H3-3A: variants seen among roughly 807,000 people sequenced by gnomAD.
The protein encoded by H3-3A is H3.3 histone A, also known as histone H3.3.
For synonymous variants in H3-3A, 49 were observed against 61.4 expected (o/e 0.80, Z 0.95); for missense variants, 7 against 184.0 (o/e 0.04, Z 5.57).
At chr1:226,067,602 C>T (rs965711870) in intron 3 of H3-3A, among the ~76,000 whole-genome samples, 1 of 151,856 alleles carries the variant, frequency 6.6e-6, no homozygotes, top group African/African-American at 2.4e-5. Context: ...ATTAGCTTGG[C>T]GTGGTGGCAG....
intron 1 of H3-3A, among the ~76,000 whole-genome samples, chr1:226,063,434 A>G (rs560050436): frequency 1.3e-5 from 2 of 152,034 alleles, no homozygotes; most frequent in East Asian, 1.9e-4. Flanking sequence ...AAACTTTTGC[A>G]TTTTGGAGGG....
chr1:226,063,313 T>C (rs1657800714), intron 1 of H3-3A, among the ~76,000 whole-genome samples: 1 of 152,210 alleles, frequency 6.6e-6, no homozygotes, highest in South Asian at 2.1e-4. Context: ...GACCATATTT[T>C]TTCCCCCGTT....
intron 1 of H3-3A, chr1:226,063,841 A>G (rs1657829045): frequency 6.8e-6 from 1 of 147,120 alleles, no homozygotes; most frequent in African/African-American, 2.5e-5. Context: ...AACTGTAAAG[A>G]TGCAAAACCA....
chr1:226,063,198 G>A (rs1017752573), intron 1 of H3-3A, among the ~76,000 whole-genome samples: 2 of 151,878 alleles, frequency 1.3e-5, no homozygotes, highest in African/African-American at 4.8e-5. Context: ...GAGCGGGAAA[G>A]GGGTGGAAAT....
chr1:226,063,490 T>C (rs971391539), intron 1 of H3-3A, among the ~76,000 whole-genome samples: 5 of 152,198 alleles, frequency 3.3e-5, no homozygotes, highest in South Asian at 2.1e-4. Flanking sequence ...ATTTGGTGTT[T>C]TGTCTCTTTG....
chr1:226,070,722 G>T (rs181541443), intron 3 of H3-3A, among the ~76,000 whole-genome samples: 368 of 152,246 alleles, frequency 2.4e-3, no homozygotes, highest in African/African-American at 8.4e-3. Context: ...GCAGTGAGCC[G>T]AGATCGCGCT....
upstream of H3-3A, among the ~76,000 whole-genome samples, chr1:226,062,480 T>C (rs1468056552): frequency 1.4e-5 from 2 of 146,488 alleles, no homozygotes; most frequent in African/African-American, 2.5e-5. Flanking sequence ...CCCCTCAGCG[T>C]GTCTTTTGTG....
intron 3 of H3-3A, 172 bp downstream of exon 3, chr1:226,065,981 A>T: frequency 3.2e-6 from 2 of 630,478 alleles, no homozygotes; most frequent in South Asian, 1.9e-5. Flanking sequence ...TCATACACGT[A>T]GAAAATGGCA....
In H3-3A at chr1:226,071,274, T is replaced by A. The variant is rs1658113656; in HGVS notation, c.283-77T>A. 5 of 1,202,332 alleles carry A rather than the reference T, an allele frequency of 4.2e-6. No individual in the cohort carries two copies. In the Admixed American group the frequency reaches 9.8e-5, roughly 23 times the overall value. 74.5% of individuals were successfully genotyped at this position (1,202,332 alleles called of 1,614,324 possible). Reference sequence around the variant, plus strand: ...TTTTTTAAAGGGTTCAAAAACCTTTTTGTTTTAATTCGTATAGTTGGGTCT... The same window carrying A: ...TTTTTTAAAGGGTTCAAAAACCTTTATGTTTTAATTCGTATAGTTGGGTCT... On this transcript the variant is annotated intron_variant, in intron 3 of 3. Transcript: ENST00000366815.
intron 3 of H3-3A, 101 bp downstream of exon 3, chr1:226,065,910 G>C (rs529736003): frequency 1.1e-6 from 1 of 894,226 alleles, no homozygotes. Context: ...TCACAAGCCT[G>C]TCAGGTAGTT....
upstream of H3-3A, among the ~76,000 whole-genome samples, chr1:226,062,335 C>T (rs1657735387): frequency 6.6e-6 from 1 of 150,990 alleles, no homozygotes; most frequent in South Asian, 2.1e-4. Flanking sequence ...CTTCCCCTCC[C>T]CCCACTTCCC....
intron 3 of H3-3A, among the ~76,000 whole-genome samples, chr1:226,067,499 G>A (rs1475594364): frequency 6.6e-6 from 1 of 152,174 alleles, no homozygotes; most frequent in Non-Finnish European, 1.5e-5. Flanking sequence ...AACACTTTGG[G>A]AGGCTGAGGT....
chr1:226,070,569 C>T (rs12096468), intron 3 of H3-3A, among the ~76,000 whole-genome samples: 47,591 of 151,898 alleles, frequency 0.31, 8,252 homozygotes, highest in African/African-American at 0.48. Flanking sequence ...GTCAGGAGTT[C>T]GAGACCAGCC....
chr1:226,064,476 A>G lies in H3-3A; in HGVS notation c.125A>G (p.Tyr42Cys). The G allele has an allele frequency of 6.2e-7, 1 of 1,611,686 alleles. No homozygotes were observed. The highest frequency in any genetic ancestry group is 8.5e-7 in the Non-Finnish European group (1 of 1,178,618). The change falls in exon 2 of 4, where the codon TAC (tyrosine) becomes TGC (cysteine). Residue 42 changes from tyrosine (Y) to cysteine (C), a missense_variant. By Grantham distance (194) the Tyr-to-Cys change is radical. Transcript: ENST00000366815. The stretch of plus-strand genomic sequence containing the variant: ...GGAGGGGTGAAGAAACCTCATCGTT[A>G]CAGGTATTAAAAAACAGGAAAAAAA... ...STGGVKKPHRYRPGTVALREI... is the reference protein window; with the variant it reads ...STGGVKKPHRCRPGTVALREI...
Position 226,065,656 on chromosome 1 carries a change from G to A in H3-3A, c.129G>A (p.Arg43=), listed in dbSNP as rs565357684. Residue 43 remains arginine (R), a splice_region_variant and synonymous_variant, in exon 3 of 4, where the codon AGG becomes AGA. Transcript: ENST00000366815. ...TGGVKKPHRY[R]PGTVALREIR... is the part of the protein sequence containing the mutation. ...CAGTTTCTTTATTAATTTTTTAAAG[G>A]CCTGGTACTGTGGCGCTCCGTGAAA... is the stretch of plus-strand genomic sequence containing the variant. 20 of 1,586,262 alleles carry A rather than the reference G, an allele frequency of 1.3e-5. No individual in the cohort carries two copies. In the East Asian group the frequency reaches 2.9e-4, roughly 23 times the overall value.
upstream of H3-3A, chr1:226,062,644 G>A (rs1448189084): frequency 6.7e-6 from 1 of 148,868 alleles, no homozygotes; most frequent in East Asian, 2.0e-4. Flanking sequence ...TCCCTCCATT[G>A]TGTGTGATTG....
intron 1 of H3-3A, among the ~76,000 whole-genome samples, 170 bp downstream of exon 1, chr1:226,062,981 G>A (rs2102733563): frequency 6.6e-6 from 1 of 152,106 alleles, no homozygotes; most frequent in Non-Finnish European, 1.5e-5. Context: ...CCCTCTGGCG[G>A]CGGCGGCTCC....
At chr1:226,064,082 G>T (rs1241780252) in intron 1 of H3-3A, 2 of 286,762 alleles carry the variant, frequency 7.0e-6, no homozygotes, top group Non-Finnish European at 1.4e-5. Context: ...TTGTTTTGCC[G>T]TTTGTCGCTC....
intron 3 of H3-3A, 33 bp downstream of exon 3, chr1:226,065,842 T>C: frequency 6.6e-7 from 1 of 1,517,472 alleles, no homozygotes; most frequent in Admixed American, 1.9e-5. Flanking sequence ...TCAGAGTTTG[T>C]ATTCCTGTTG....
Sources: allele counts gnomAD v4.1 joint callset (sites outside exome capture counted in the v4.1 genomes callset), GRCh38; gene constraint gnomAD v4.1.1; transcripts MANE v1.5; gene names NCBI Gene and HGNC (gene_info 2026-07-23, HGNC 2026-07-21).